The following SOX6 variants were observed in gnomAD, a reference collection of about 807,000 sequenced individuals.
SOX6 encodes the protein transcription factor SOX-6.
A neutral mutation model predicts 97.8 loss-of-function variants in SOX6; 11 were observed. That is an observed-to-expected ratio of 0.11 (90% CI 0.07 to 0.19). The LOEUF (loss-of-function observed/expected upper bound fraction) is 0.19. Ranked by LOEUF, SOX6 falls within the 10% of genes least tolerant of loss-of-function variation. The pLI is 1.00. For synonymous variants in SOX6, 360 were observed against 371.4 expected (o/e 0.97, Z 0.35); for missense variants, 810 against 1,039.5 (o/e 0.78, Z 3.04).
chr11:16,341,430 C>T (rs1195746809), intron 1 of SOX6, among the ~76,000 whole-genome samples, 178 bp from the exon 2 acceptor site: 1 of 152,080 alleles, frequency 6.6e-6, no homozygotes. Context: ...TCCCTCTTTG[C>T]TTTTAACTCA....
At chr11:16,267,600 G>A (rs1282906386) in intron 3 of SOX6, among the ~76,000 whole-genome samples, 1 of 151,558 alleles carries the variant, frequency 6.6e-6, no homozygotes, top group Admixed American at 6.6e-5. Flanking sequence ...TAGTGGGTAT[G>A]TAAGTTAGTA....
chr11:16,080,323 G>A (rs899189990), intron 9 of SOX6, among the ~76,000 whole-genome samples: 1 of 150,826 alleles, frequency 6.6e-6, no homozygotes, highest in African/African-American at 2.4e-5. Flanking sequence ...AAGTTTCTAT[G>A]AGAGAAAGAA....
intron 2 of SOX6, chr11:16,736,217 G>A (rs773856997): frequency 3.3e-5 from 5 of 152,176 alleles, no homozygotes; most frequent in Non-Finnish European, 5.9e-5. Context: ...AATTCTGAAG[G>A]AGGTATTTCA....
At chr11:16,614,629 G>T (rs1389250388) in intron 3 of SOX6, among the ~76,000 whole-genome samples, 1 of 152,108 alleles carries the variant, frequency 6.6e-6, no homozygotes. Context: ...CCAGGCTTAA[G>T]AACCTCCTAG....
intron 4 of SOX6, among the ~76,000 whole-genome samples, chr11:16,586,087 A>G (rs1848090653): frequency 6.6e-6 from 1 of 152,176 alleles, no homozygotes; most frequent in South Asian, 2.1e-4. Context: ...TCAGGCTGAA[A>G]CGATTACTAA....
At chr11:16,418,485 G>A (rs982835002) in intron 1 of SOX6, among the ~76,000 whole-genome samples, 2 of 152,048 alleles carry the variant, frequency 1.3e-5, no homozygotes, top group Non-Finnish European at 2.9e-5. Context: ...TACTGTCAAG[G>A]CAGAATATAA....
At chr11:16,288,979 T>C (rs1436308090) in intron 3 of SOX6, among the ~76,000 whole-genome samples, 1 of 151,962 alleles carries the variant, frequency 6.6e-6, no homozygotes, top group African/African-American at 2.4e-5. Context: ...CACAAACTGA[T>C]AATTATTCAA....
At chr11:16,278,471 A>T (rs995312839) in intron 3 of SOX6, among the ~76,000 whole-genome samples, 2 of 152,120 alleles carry the variant, frequency 1.3e-5, no homozygotes, top group Non-Finnish European at 2.9e-5. Context: ...GATCAAAACT[A>T]TACACTAGAA....
In SOX6 at chr11:16,394,963, A is replaced by G. The variant is rs532234514; in HGVS notation, c.-4-53711T>C. On this transcript the variant is annotated intron_variant, in intron 1 of 15. Coordinates refer to the SOX6 transcript ENST00000396356. ...GCTGTTAAATGTTTTATAGCTAGAT[A>G]TTAAGAAACAAAAACATTTCTACCG... Among the ~76,000 whole-genome samples, 57 of 152,032 alleles carry G rather than the reference A, an allele frequency of 3.7e-4. 1 individual carries two copies. Among genetic ancestry groups the G allele is most frequent in the Non-Finnish European group, 7.5e-4 (51 of 67,852 alleles).
At chr11:16,279,942 T>C (rs1320612716) in intron 3 of SOX6, among the ~76,000 whole-genome samples, 5 of 152,070 alleles carry the variant, frequency 3.3e-5, no homozygotes, top group African/African-American at 1.2e-4. Flanking sequence ...TTTCTTAAGA[T>C]AAATTAAATC....
At chr11:16,144,941 T>C (rs1204571802) in intron 6 of SOX6, among the ~76,000 whole-genome samples, 1 of 152,166 alleles carries the variant, frequency 6.6e-6, no homozygotes, top group Non-Finnish European at 1.5e-5. Flanking sequence ...GCTGGTACCA[T>C]TCCTTCTGAA....
At chr11:16,227,473 A>G (rs1034650278) in intron 4 of SOX6, among the ~76,000 whole-genome samples, 1 of 151,942 alleles carries the variant, frequency 6.6e-6, no homozygotes, top group Admixed American at 6.6e-5. Context: ...TCACTCTGTT[A>G]CCCAGACTGG....
At position 16,721,496 on chromosome 11, in the gene SOX6, T is replaced by TTCTGTCTC. The variant is rs1564877206; in HGVS notation, n.354-6599_354-6592dup. The stretch of plus-strand genomic sequence containing the variant: ...AGTGTCACTGCAATGGGTGGGTCTT[T>TTCTGTCTC]TCTGTCTCTCTCTCTCTCTCTCTCT... On this transcript the variant is annotated intron_variant and non_coding_transcript_variant, in intron 2 of 5. Transcript: ENST00000524520. Among the ~76,000 whole-genome samples, 9 of 115,248 alleles carry TTCTGTCTC rather than the reference T, an allele frequency of 7.8e-5. No individual in the cohort carries two copies. In the East Asian group the frequency reaches 2.3e-3, roughly 29 times the overall value. The allele number at this position is 115,248 out of a possible 152,430, so 75.6% of individuals were successfully genotyped here. A position where few individuals can be genotyped will look rare whatever the true frequency, so the allele number is the denominator to read the frequency against.
chr11:16,014,449 G>T (rs1854822984), intron 13 of SOX6, among the ~76,000 whole-genome samples: 1 of 152,008 alleles, frequency 6.6e-6, no homozygotes. Context: ...TTGTACCTGG[G>T]AATCACTTGA....
intron 6 of SOX6, among the ~76,000 whole-genome samples, chr11:16,164,498 A>G (rs1166287246): frequency 1.3e-5 from 2 of 152,170 alleles, no homozygotes; most frequent in Admixed American, 6.5e-5. Flanking sequence ...TTTAAAATAC[A>G]TGGACATTTT....
chr11:16,096,462 G>A (rs982624700), intron 8 of SOX6, among the ~76,000 whole-genome samples: 6 of 151,786 alleles, frequency 4.0e-5, no homozygotes, highest in Non-Finnish European at 7.4e-5. Context: ...TGCAAGAGAG[G>A]TGAGGTTGCT....
chr11:16,007,697 G>A lies in SOX6; in HGVS notation c.1732+7245C>T, dbSNP rs140532434. On this transcript the variant is annotated intron_variant, in intron 13 of 15. Transcript: ENST00000683767. ...ACAGCTTGCAGGTAGAAAGTCAAGT[G>A]GCTCTTACTGCCAGGAGAGAAGAAT... Among the ~76,000 whole-genome samples the A allele has an allele frequency of 2.6e-5, 4 of 152,200 alleles. No individual in the cohort carries two copies. The East Asian group carries it at 7.7e-4, about 29-fold the overall frequency.
chr11:16,652,003 A>G lies in SOX6; in HGVS notation n.430-39743T>C, dbSNP rs184684776. Among the ~76,000 whole-genome samples, 8 of 151,934 alleles carry G rather than the reference A, an allele frequency of 5.3e-5. No homozygotes were observed. The East Asian group carries it at 1.4e-3, about 26-fold the overall frequency. On this transcript the variant is annotated intron_variant and non_coding_transcript_variant, in intron 3 of 5. Coordinates refer to the SOX6 transcript ENST00000524520. ...AGCTGAGAAACAAATCAAGAATTCA[A>G]TCCCTTTTACAACAGCTGCAAAAAA...
At chr11:16,512,009 AT>A (rs1358538536) in intron 4 of SOX6, among the ~76,000 whole-genome samples, 25 of 152,312 alleles carry the variant, frequency 1.6e-4, no homozygotes, top group African/African-American at 5.8e-4. Flanking sequence ...ACACTTTAAA[AT>A]GTCTTATTTC....
Sources: allele counts gnomAD v4.1 joint callset (sites outside exome capture counted in the v4.1 genomes callset), GRCh38; gene constraint gnomAD v4.1.1; transcripts MANE v1.5; gene names NCBI Gene and HGNC (gene_info 2026-07-23, HGNC 2026-07-21).